TMEM242: variants seen among roughly 807,000 people sequenced by gnomAD.
The protein encoded by TMEM242 is UPF0463 transmembrane protein C6orf35.
Under a neutral mutation model 18.2 loss-of-function variants are expected in TMEM242, and 10 were observed. The observed-to-expected ratio is 0.55, with a 90% CI of 0.34 to 0.93. TMEM242 has a LOEUF of 0.93. Ranked by LOEUF, TMEM242 falls within the 40% of genes least tolerant of loss-of-function variation. The pLI, the probability that TMEM242 is intolerant of heterozygous loss-of-function variation, is 0.02. For missense variants in TMEM242, 186 were observed against 175.5 expected (o/e 1.06, Z -0.34); for synonymous variants, 57 against 69.9 (o/e 0.81, Z 0.92).
In TMEM242 at chr6:157,294,552, G is replaced by A. The variant is rs1777726870; in HGVS notation, c.328-1553C>T. Among the ~76,000 whole-genome samples, 3 of 151,680 alleles carry A rather than the reference G, an allele frequency of 2.0e-5. No homozygotes were observed. In the East Asian group the frequency reaches 5.8e-4, roughly 30 times the overall value. On this transcript the variant is annotated intron_variant, in intron 3 of 3. Transcript: ENST00000400788. Reference sequence around the variant, plus strand: ...TTTTTAGTAGAGACGGGGTTTCACCGTTTTAGCCGGGATGGTCTCGATCTC... The same window carrying A: ...TTTTTAGTAGAGACGGGGTTTCACCATTTTAGCCGGGATGGTCTCGATCTC...
intron 3 of TMEM242, among the ~76,000 whole-genome samples, chr6:157,306,027 C>G (rs1777913489): frequency 6.6e-6 from 1 of 152,158 alleles, no homozygotes; most frequent in African/African-American, 2.4e-5. Flanking sequence ...GTGGGAGAAA[C>G]TAGAGCATGT....
chr6:157,307,379 G>A (rs587727423), intron 3 of TMEM242, among the ~76,000 whole-genome samples: 7 of 152,246 alleles, frequency 4.6e-5, no homozygotes, highest in South Asian at 2.1e-4. Context: ...CTTGTCGCAC[G>A]TTCCCACTTG....
intron 3 of TMEM242, among the ~76,000 whole-genome samples, chr6:157,304,311 C>T (rs1428122393): frequency 6.6e-6 from 1 of 151,664 alleles, no homozygotes; most frequent in Non-Finnish European, 1.5e-5. Flanking sequence ...ACAAAAAATA[C>T]AAAAATCAGT....
rs899427410 is a variant in TMEM242 at position 157,321,095 on chromosome 6, G to A, written c.189+1610C>T. 5.5e-5 allele frequency among the ~76,000 whole-genome samples: 8 copies of A among 145,230 alleles called. No homozygotes were observed. In the Admixed American group the frequency reaches 5.7e-4, roughly 10 times the overall value. On this transcript the variant is annotated intron_variant, in intron 2 of 3. Coordinates refer to ENST00000400788, the MANE Select transcript of TMEM242 (RefSeq NM_018452.6). Reference sequence around the variant, plus strand: ...GAAATCTCGGCTTACTGCAAGCTCCGCCTCCCGGGTTCACGCCATTCTCCT... The same window carrying A: ...GAAATCTCGGCTTACTGCAAGCTCCACCTCCCGGGTTCACGCCATTCTCCT...
chr6:157,290,271 A>G lies in TMEM242; in HGVS notation c.*2630T>C, dbSNP rs1777668390. 1.3e-5 allele frequency: 2 copies of G among 152,202 alleles called. No individual in the cohort carries two copies. Among genetic ancestry groups the G allele is most frequent in the South Asian group, 4.1e-4 (2 of 4,832 alleles). 9.4% of individuals were successfully genotyped at this position (152,202 alleles called of 1,614,324 possible). On this transcript the variant is annotated 3_prime_UTR_variant, in exon 4 of 4. Coordinates refer to ENST00000400788, the MANE Select transcript of TMEM242 (RefSeq NM_018452.6). The stretch of plus-strand genomic sequence containing the variant: ...ATGTTGGCTTAGACAGGAAATGGAA[A>G]TGGCCTGCGTTATCCATCCTTTAAA...
intron 1 of TMEM242, 76 bp from the exon 2 acceptor site, chr6:157,322,881 T>A: frequency 7.8e-7 from 1 of 1,283,104 alleles, no homozygotes; most frequent in Non-Finnish European, 1.1e-6. Flanking sequence ...TGTACAAAAG[T>A]AAGTTTAAGA....
chr6:157,300,693 G>C (rs1554247469), intron 3 of TMEM242, among the ~76,000 whole-genome samples: 1 of 152,190 alleles, frequency 6.6e-6, no homozygotes, highest in Non-Finnish European at 1.5e-5. Flanking sequence ...GGGACAGTCA[G>C]CAGGAGCTTG....
At chr6:157,314,458 A>C (rs1554250149) in intron 3 of TMEM242, among the ~76,000 whole-genome samples, 1 of 140,162 alleles carries the variant, frequency 7.1e-6, no homozygotes, top group East Asian at 2.1e-4. Flanking sequence ...TATTGTGATA[A>C]AATTGGTGCT....
chr6:157,318,402 T>G, intron 3 of TMEM242: 1 of 220,514 alleles, frequency 4.5e-6, no homozygotes, highest in Non-Finnish European at 8.8e-6. Flanking sequence ...GCTAATTTTT[T>G]TATAGAGACA....
At chr6:157,322,669 A>G in intron 2 of TMEM242, 36 bp downstream of exon 2, 1 of 1,566,070 alleles carries the variant, frequency 6.4e-7, no homozygotes, top group Non-Finnish European at 8.7e-7. Context: ...ATTGTAAACA[A>G]TAACAATGCT....
intron 3 of TMEM242, among the ~76,000 whole-genome samples, chr6:157,307,157 C>A (rs944386620): frequency 4.6e-5 from 7 of 152,192 alleles, no homozygotes; most frequent in African/African-American, 1.7e-4. Context: ...CTCCAGTCCA[C>A]AATGCTTTAT....
At chr6:157,313,238 G>GCC in intron 3 of TMEM242, among the ~76,000 whole-genome samples, 1 of 2,916 alleles carries the variant, frequency 3.4e-4, no homozygotes, top group Non-Finnish European at 8.3e-4. Context: ...TCATCATAGT[G>GCC]TCGCAGAGTG....
At chr6:157,313,105 C>T (rs1554249618) in intron 3 of TMEM242, among the ~76,000 whole-genome samples, 13 of 137,312 alleles carry the variant, frequency 9.5e-5, no homozygotes, top group African/African-American at 2.7e-5. Flanking sequence ...TCAAAGTGTC[C>T]CAGTGTGTGC....
rs587763646 is a variant in TMEM242, at chr6:157,323,504, A to G, written c.-5T>C. 1.2e-5 allele frequency: 19 copies of G among 1,613,478 alleles called. No homozygotes were observed. The South Asian group carries it at 2.1e-4, about 18-fold the overall frequency. On this transcript the variant is annotated 5_prime_UTR_variant, in exon 1 of 4. Transcript: ENST00000400788. ...TGCAGCGCCCGCTGTCTCCATGTTTAGGTCGCCTCTAGTGCGTCCGTCCCC... is the reference window on the plus strand; with the variant it reads ...TGCAGCGCCCGCTGTCTCCATGTTTGGGTCGCCTCTAGTGCGTCCGTCCCC...
chr6:157,313,880 AGT>A (rs1554249976), intron 3 of TMEM242, among the ~76,000 whole-genome samples: 5 of 151,722 alleles, frequency 3.3e-5, no homozygotes, highest in African/African-American at 1.2e-4. Flanking sequence ...GCCTCATCAC[AGT>A]GCCCCAGTGT....
intron 3 of TMEM242, chr6:157,318,569 A>C (rs1778444358): frequency 3.7e-6 from 2 of 544,134 alleles, no homozygotes. Context: ...GTCATTACTT[A>C]ATTATATTTG....
At chr6:157,299,988 G>A (rs1777805131) in intron 3 of TMEM242, 1 of 1,405,782 alleles carries the variant, frequency 7.1e-7, no homozygotes, top group Non-Finnish European at 1.0e-6. Context: ...CGCTCAACAA[G>A]CTCACTCTTC....
chr6:157,312,532 G>T (rs202076754), intron 3 of TMEM242, among the ~76,000 whole-genome samples: 3,721 of 36,840 alleles, frequency 0.1, 545 homozygotes, highest in East Asian at 0.35. Flanking sequence ...CCGCCCCAGT[G>T]TGCACTCAGC....
intron 3 of TMEM242, among the ~76,000 whole-genome samples, chr6:157,297,308 T>C (rs1583556020): frequency 6.6e-6 from 1 of 152,212 alleles, no homozygotes; most frequent in Non-Finnish European, 1.5e-5. Context: ...TTACCATGCA[T>C]GTCTTGGTAG....
Sources: gnomAD v4.1 joint callset for allele counts (sites outside exome capture counted in the v4.1 genomes callset) on GRCh38, gnomAD v4.1.1 for gene constraint, MANE v1.5 for transcripts, NCBI Gene and HGNC (gene_info 2026-07-23, HGNC 2026-07-21) for gene names.